Variants in RAD51B observed in about 807,000 individuals in gnomAD.
The protein encoded by RAD51B is RAD51 paralog B, also known as DNA repair protein RAD51 homolog 2.
RAD51B carries 38 observed loss-of-function variants against 42.2 expected under a neutral mutation model. The ratio of observed to expected loss-of-function variants is 0.90; its 90% CI spans 0.70 to 1.18. RAD51B has a LOEUF of 1.18. Among genes scored for constraint, RAD51B ranks in the 50% most tolerant of loss-of-function variants. The probability of loss-of-function intolerance (pLI) is 0.00; values close to 1 mark genes in which losing one functional copy is unlikely to be tolerated. For missense variants in RAD51B, 373 were observed against 400.7 expected, an observed-to-expected ratio of 0.93 and a Z score of 0.59; for synonymous variants, 154 against 145.2, an observed-to-expected ratio of 1.06 and a Z score of -0.43.
In RAD51B at chr14:68,115,542, T is replaced by TA. The variant is rs368351598; in HGVS notation, c.757-176323dup. ...CACATGTACCCTAAAACTTAAAGTA[T>TA]AAAAAAAAAAAAAAAAAAAGACACC... On this transcript the variant is annotated intron_variant, in intron 7 of 10. Transcript: ENST00000471583. Among the ~76,000 whole-genome samples, 501 of 67,990 alleles carry TA rather than the reference T, an allele frequency of 7.4e-3. 2 individuals are homozygous for TA. Among genetic ancestry groups the TA allele is most frequent in the South Asian group, 0.015 (29 of 1,872 alleles). 44.6% of individuals were successfully genotyped at this position (67,990 alleles called of 152,430 possible). A position where few individuals can be genotyped will look rare whatever the true frequency, so the allele number is the denominator to read the frequency against.
intron 10 of RAD51B, chr14:68,541,035 T>A (rs1887936068): frequency 3.0e-6 from 3 of 985,376 alleles, no homozygotes; most frequent in Non-Finnish European, 3.6e-6. Flanking sequence ...TTCAAGTTCT[T>A]GAAAAAGATA....
At chr14:68,481,194 T>A (rs1460158319), downstream of RAD51B, among the ~76,000 whole-genome samples, 1 of 152,170 alleles carries the variant, frequency 6.6e-6, no homozygotes, top group Non-Finnish European at 1.5e-5. Context: ...GAGGAAAATA[T>A]ATTATTTTTC....
chr14:67,825,892 A>G (rs2040816327), intron 3 of RAD51B, among the ~76,000 whole-genome samples: 1 of 152,018 alleles, frequency 6.6e-6, no homozygotes, highest in Non-Finnish European at 1.5e-5. Context: ...TACCAAGCCA[A>G]CTTATTTTTA....
At chr14:67,936,796 G>A (rs1256679162) in intron 7 of RAD51B, among the ~76,000 whole-genome samples, 1 of 152,118 alleles carries the variant, frequency 6.6e-6, no homozygotes. Flanking sequence ...AAGTGGTTAT[G>A]TCATTGTGGT....
At chr14:68,284,795 C>G (rs1449233613) in intron 7 of RAD51B, among the ~76,000 whole-genome samples, 1 of 150,862 alleles carries the variant, frequency 6.6e-6, no homozygotes, top group Non-Finnish European at 1.5e-5. Context: ...TTTTGATTTT[C>G]CAGAGCATGG....
chr14:68,244,309 C>T (rs1052848109), intron 7 of RAD51B, among the ~76,000 whole-genome samples: 1 of 152,128 alleles, frequency 6.6e-6, no homozygotes, highest in Non-Finnish European at 1.5e-5. Flanking sequence ...GAGGCTTTTT[C>T]CTGTATTTGG....
chr14:68,433,775 T>C (rs183233245), intron 9 of RAD51B, among the ~76,000 whole-genome samples: 259 of 152,374 alleles, frequency 1.7e-3, no homozygotes, highest in Non-Finnish European at 2.4e-3. Context: ...TCCAGCTTTG[T>C]TCCATTGCTG....
chr14:68,363,185 G>GCTTA (rs1414437025), intron 8 of RAD51B, among the ~76,000 whole-genome samples: 3 of 152,152 alleles, frequency 2.0e-5, no homozygotes, highest in African/African-American at 7.2e-5. Context: ...ATACCGCTTT[G>GCTTA]CTTACCCCTG....
intron 8 of RAD51B, among the ~76,000 whole-genome samples, chr14:68,365,818 T>A (rs1396673812): frequency 6.6e-6 from 1 of 152,250 alleles, no homozygotes; most frequent in East Asian, 1.9e-4. Context: ...TTTTGTTATG[T>A]CTTTCACATA....
chr14:68,507,212 A>T (rs777017187), intron 10 of RAD51B, among the ~76,000 whole-genome samples: 1 of 151,492 alleles, frequency 6.6e-6, no homozygotes, highest in Non-Finnish European at 1.5e-5. Flanking sequence ...TTTTAGAATG[A>T]CCCCCTCCTT....
chr14:68,281,131 C>T (rs2081312669), intron 7 of RAD51B, among the ~76,000 whole-genome samples: 1 of 151,766 alleles, frequency 6.6e-6, no homozygotes, highest in South Asian at 2.1e-4. Flanking sequence ...AAAGTTAGGG[C>T]TAGAATAGTT....
intron 7 of RAD51B, among the ~76,000 whole-genome samples, chr14:67,941,677 A>G (rs527949899): frequency 2.0e-5 from 3 of 152,290 alleles, no homozygotes; most frequent in Non-Finnish European, 4.4e-5. Flanking sequence ...CTGATTTCAC[A>G]TGAGAAGTTG....
chr14:68,399,413 T>C (rs573599818), intron 8 of RAD51B, among the ~76,000 whole-genome samples: 45 of 152,092 alleles, frequency 3.0e-4, no homozygotes, highest in South Asian at 1.2e-3. Context: ...CCCGCCACAA[T>C]GCCCGGCTAA....
chr14:68,386,319 A>C (rs1468018730), intron 8 of RAD51B, among the ~76,000 whole-genome samples: 1 of 152,218 alleles, frequency 6.6e-6, no homozygotes, highest in African/African-American at 2.4e-5. Flanking sequence ...AATCAGAAAC[A>C]GCTCCATAGA....
Position 68,075,080 on chromosome 14 carries a change from G to A in RAD51B, c.756+187876G>A, listed in dbSNP as rs145238943. Among the ~76,000 whole-genome samples the A allele has an allele frequency of 9.6e-4, 146 of 152,318 alleles. 1 individual carries two copies. The highest frequency in any genetic ancestry group is 3.2e-3 in the African/African-American group (135 of 41,580). ...ACCTTGGCAGTGGCGATGGCAGAGA[G>A]CCTTTCACTTGTTTCTTGAGGCTCC... On this transcript the variant is annotated intron_variant, in intron 7 of 10. Transcript: ENST00000471583.
Position 68,565,485 on chromosome 14 carries a change from G to A in RAD51B, c.1037-29000G>A, listed in dbSNP as rs1303951231. Among the ~76,000 whole-genome samples the A allele has an allele frequency of 6.6e-6, 1 of 151,618 alleles. No homozygotes were observed. The highest frequency in any genetic ancestry group is 1.9e-4 in the East Asian group (1 of 5,186). ...AGAGGAGACTTCAGAGTGAGACTCT[G>A]TCTCAAAAAAAAAAGAAGTTCTTTC... On this transcript the variant is annotated intron_variant, in intron 10 of 10. Coordinates refer to the RAD51B transcript ENST00000487270. This position sits in a 1 kb window ranked among gnomAD's most constrained non-coding sequence, Gnocchi z 4.1.
chr14:68,143,230 G>T (rs570483662), intron 7 of RAD51B, among the ~76,000 whole-genome samples: 1 of 152,120 alleles, frequency 6.6e-6, no homozygotes, highest in Non-Finnish European at 1.5e-5. Flanking sequence ...GATCAGGCTG[G>T]GTTAGATGAT....
At chr14:68,377,352 A>C (rs1246497040) in intron 8 of RAD51B, among the ~76,000 whole-genome samples, 1 of 152,176 alleles carries the variant, frequency 6.6e-6, no homozygotes, top group African/African-American at 2.4e-5. Context: ...ACCCTGAATT[A>C]TAACCTCATA....
chr14:67,995,184 G>A (rs1191716730), intron 7 of RAD51B, among the ~76,000 whole-genome samples: 3 of 151,994 alleles, frequency 2.0e-5, no homozygotes, highest in Non-Finnish European at 2.9e-5. Flanking sequence ...TCAAGAGATC[G>A]AGACCATCTT....
Sources: gnomAD v4.1 joint callset for allele counts (sites outside exome capture counted in the v4.1 genomes callset) on GRCh38, gnomAD v4.1.1 for gene constraint, Gnocchi (gnomAD v3.1) non-coding constraint, MANE v1.5 for transcripts, NCBI Gene and HGNC (gene_info 2026-07-23, HGNC 2026-07-21) for gene names.